The following FAM83A variants were observed in gnomAD, a reference collection of about 807,000 sequenced individuals.
The protein encoded by FAM83A is scaffolding CK1 anchoring protein A, also known as protein FAM83A.
A neutral mutation model predicts 24.4 loss-of-function variants in FAM83A; 21 were observed. The ratio of observed to expected loss-of-function variants is 0.86; its 90% CI spans 0.61 to 1.24. The LOEUF is 1.24. FAM83A is among the 50% of genes most tolerant of loss of function. The probability of loss-of-function intolerance (pLI) is 0.00; values close to 1 mark genes in which losing one functional copy is unlikely to be tolerated. For missense variants in FAM83A, 617 were observed against 579.8 expected (o/e 1.06, Z -0.66); for synonymous variants, 270 against 252.4 (o/e 1.07, Z -0.66).
chr8:123,207,413 C>G (rs749680651), exon 4 of FAM83A: 1 of 1,610,370 alleles, frequency 6.2e-7, no homozygotes, highest in South Asian at 1.1e-5. Flanking sequence ...AGGCAGCCAC[C>G]CCGGTACCCG....
rs766289244 is a variant in FAM83A, at chr8:123,207,165, G to A, written c.782G>A (p.Trp261Ter). 16 of 1,485,146 alleles carry A rather than the reference G, an allele frequency of 1.1e-5. No homozygotes were observed. 92.0% of individuals were successfully genotyped at this position (1,485,146 alleles called of 1,614,324 possible). A position where few individuals can be genotyped will look rare whatever the true frequency, so the allele number is the denominator to read the frequency against. Residue 261 changes from tryptophan to a stop codon, truncating the protein, a stop_gained, in exon 4 of 4, where the codon TGG (tryptophan) becomes TAG (stop). Coordinates refer to ENST00000690554, the Ensembl canonical transcript of FAM83A. LOFTEE classifies it low-confidence loss of function (END_TRUNC). ...CTCCTCTTCCCCTCCAGCTTCACCT[G>A]GCTCTGCGGACACGTGCACCGGAAC...
At chr8:123,194,510 G>A (rs931964156) in intron 3 of FAM83A, among the ~76,000 whole-genome samples, 7 of 149,272 alleles carry the variant, frequency 4.7e-5, no homozygotes, top group African/African-American at 1.7e-4. Flanking sequence ...TTGAGATGGA[G>A]TCTCGCCCTG....
chr8:123,203,706 G>C (rs988550829), intron 3 of FAM83A, among the ~76,000 whole-genome samples: 1 of 151,674 alleles, frequency 6.6e-6, no homozygotes, highest in African/African-American at 2.4e-5. Flanking sequence ...CCCTGACAGA[G>C]ATTAGTGCTG....
intron 2 of FAM83A, among the ~76,000 whole-genome samples, chr8:123,193,636 T>C (rs1230591868): frequency 6.6e-6 from 1 of 152,170 alleles, no homozygotes; most frequent in Non-Finnish European, 1.5e-5. Flanking sequence ...ATAACAGAAG[T>C]CCATAGACTG....
intron 1 of FAM83A, among the ~76,000 whole-genome samples, chr8:123,186,879 C>T (rs1333015814): frequency 6.6e-6 from 1 of 152,110 alleles, no homozygotes; most frequent in Non-Finnish European, 1.5e-5. Flanking sequence ...GCCCCCACAC[C>T]CAGGACGGCA....
chr8:123,183,362 C>T (rs568843575), intron 1 of FAM83A, 26 bp downstream of exon 1: 18 of 1,592,764 alleles, frequency 1.1e-5, no homozygotes, highest in African/African-American at 5.4e-5. Context: ...CCCCTGTCTC[C>T]GTGGCCAAGT....
chr8:123,205,073 C>G (rs999368155), intron 3 of FAM83A, among the ~76,000 whole-genome samples: 10 of 152,050 alleles, frequency 6.6e-5, no homozygotes, highest in Admixed American at 3.3e-4. Flanking sequence ...GATCACGCCA[C>G]TGCACTCCAG....
In FAM83A at chr8:123,187,444, C is replaced by T. The variant is rs969068145; in HGVS notation, c.480+4108C>T. Among the ~76,000 whole-genome samples the T allele has an allele frequency of 2.6e-5, 4 of 152,172 alleles. No homozygotes were observed. The South Asian group carries it at 6.2e-4, about 24-fold the overall frequency. ...AAGCGGCTCTGACCAGGTGAAGGTGCGGACATCAGAGATTTGCAAAAACGC... is the reference window on the plus strand; with the variant it reads ...AAGCGGCTCTGACCAGGTGAAGGTGTGGACATCAGAGATTTGCAAAAACGC... On this transcript the variant is annotated intron_variant, in intron 1 of 3. Transcript: ENST00000690554.
intron 3 of FAM83A, among the ~76,000 whole-genome samples, chr8:123,204,064 G>A (rs1386205941): frequency 6.6e-6 from 1 of 152,076 alleles, no homozygotes; most frequent in Non-Finnish European, 1.5e-5. Flanking sequence ...TAGTTCAGGG[G>A]TCCTGGGAAA....
intron 3 of FAM83A, among the ~76,000 whole-genome samples, chr8:123,194,474 C>A (rs1409855668): frequency 1.3e-5 from 2 of 151,444 alleles, no homozygotes; most frequent in Non-Finnish European, 2.9e-5. Flanking sequence ...TGTGTGTGTG[C>A]ACATCCCATT....
At chr8:123,208,855 A>G (rs1184424669) in exon 4 of FAM83A, 1 of 954,232 alleles carries the variant, frequency 1.0e-6, no homozygotes, top group Non-Finnish European at 1.2e-6. Context: ...AAAAATACAA[A>G]AATTAGGCTG....
chr8:123,203,324 A>C (rs1824423861), intron 3 of FAM83A, among the ~76,000 whole-genome samples: 1 of 152,056 alleles, frequency 6.6e-6, no homozygotes. Context: ...GCGGTGGTTC[A>C]CATCTGTAAT....
At chr8:123,197,452 C>T (rs894133195) in intron 3 of FAM83A, among the ~76,000 whole-genome samples, 10 of 152,194 alleles carry the variant, frequency 6.6e-5, no homozygotes, top group Non-Finnish European at 1.0e-4. Context: ...CTTCACTTAA[C>T]ATAACGTTTT....
At chr8:123,191,268 G>A (rs147402059) in intron 1 of FAM83A, among the ~76,000 whole-genome samples, 2 of 152,314 alleles carry the variant, frequency 1.3e-5, no homozygotes, top group East Asian at 1.9e-4. Context: ...GTAGCTGTGG[G>A]TAGAGCGTGA....
intron 1 of FAM83A, among the ~76,000 whole-genome samples, chr8:123,190,874 C>T (rs965682051): frequency 3.9e-5 from 6 of 152,124 alleles, no homozygotes; most frequent in African/African-American, 1.4e-4. Flanking sequence ...GCAGCCATTG[C>T]TTATAAAATA....
Position 123,200,968 on chromosome 8 carries a change from AATATAT to A in FAM83A, c.774-6177_774-6172del, listed in dbSNP as rs71310663. Among the ~76,000 whole-genome samples, 63 of 138,988 alleles carry A rather than the reference AATATAT, an allele frequency of 4.5e-4. 1 individual carries two copies. In the East Asian group the frequency reaches 0.011, roughly 24 times the overall value. The allele number at this position is 138,988 out of a possible 152,430, so 91.2% of individuals were successfully genotyped here. A position where few individuals can be genotyped will look rare whatever the true frequency, so the allele number is the denominator to read the frequency against. On this transcript the variant is annotated intron_variant, in intron 3 of 3. Coordinates refer to ENST00000690554, the Ensembl canonical transcript of FAM83A. ...CTCAAACAAATAAACAAAAAAAAAA[AATATAT>A]ATATATATATACACATATATACAAA...
chr8:123,195,275 T>G lies in FAM83A; in HGVS notation c.773+1127T>G, dbSNP rs76868316. On this transcript the variant is annotated intron_variant, in intron 3 of 3. Coordinates refer to ENST00000690554, the Ensembl canonical transcript of FAM83A. ...GATAAGCTGGGAGTGGAAGGCAGGT[T>G]TCCAGGGGGTGTTAAGGATGCAGTC... Among the ~76,000 whole-genome samples the G allele has an allele frequency of 4.5e-3, 689 of 152,240 alleles. 5 individuals are homozygous for G. Among genetic ancestry groups the G allele is most frequent in the African/African-American group, 0.016 (651 of 41,540 alleles).
chr8:123,207,447 C>T (rs1410619026), exon 4 of FAM83A: 18 of 1,601,632 alleles, frequency 1.1e-5, no homozygotes, highest in Non-Finnish European at 1.5e-5. Flanking sequence ...TCTTCAGGGC[C>T]CTGTAGCCCC....
At chr8:123,182,212 G>A (rs1459472391), upstream of FAM83A, 1 of 430,082 alleles carries the variant, frequency 2.3e-6, no homozygotes, top group Non-Finnish European at 4.7e-6. Flanking sequence ...CTCCTTCATA[G>A]GGCAGGGAGG....
Sources: gnomAD v4.1 joint callset for allele counts (sites outside exome capture counted in the v4.1 genomes callset) on GRCh38, gnomAD v4.1.1 for gene constraint, MANE v1.5 for transcripts, NCBI Gene and HGNC (gene_info 2026-07-23, HGNC 2026-07-21) for gene names.